The following HGF variants were observed in gnomAD, a reference collection of about 807,000 sequenced individuals.
HGF encodes the protein fibroblast-derived tumor cytotoxic factor.
HGF carries 39 observed loss-of-function variants against 111.6 expected under a neutral mutation model. The ratio of observed to expected loss-of-function variants is 0.35; its 90% CI spans 0.27 to 0.46. HGF has a LOEUF of 0.46. Ranked by LOEUF, HGF falls within the 20% of genes least tolerant of loss-of-function variation. HGF has a pLI of 1.00. For synonymous variants in HGF, 285 were observed against 294.8 expected, an observed-to-expected ratio of 0.97 and a Z score of 0.34; for missense variants, 735 against 910.5, an observed-to-expected ratio of 0.81 and a Z score of 2.48.
intron 5 of HGF, chr7:81,750,744 G>C (rs1301892097): frequency 5.9e-6 from 1 of 169,464 alleles, no homozygotes; most frequent in Non-Finnish European, 1.2e-5. Flanking sequence ...CACGTTTTCA[G>C]GTCAAACAAA....
At chr7:81,765,511 A>G (rs13438688) in intron 1 of HGF, among the ~76,000 whole-genome samples, 3,556 of 152,220 alleles carry the variant, frequency 0.023, 127 homozygotes, top group African/African-American at 0.081. Flanking sequence ...CAAAGCTATC[A>G]GGGGCAATCA....
chr7:81,702,308 T>C lies in HGF; in HGVS notation c.*273A>G. 2.7e-6 allele frequency: 1 copy of C among 366,448 alleles called. No homozygotes were observed. The highest frequency in any genetic ancestry group is 4.9e-5 in the South Asian group (1 of 20,462). The allele number at this position is 366,448 out of a possible 1,614,324, so 22.7% of individuals were successfully genotyped here. On this transcript the variant is annotated 3_prime_UTR_variant, in exon 18 of 18. Coordinates refer to ENST00000222390, the MANE Select transcript of HGF (RefSeq NM_000601.6). ...CATGAAATCTTTATCATCCAGCAAA[T>C]ATACCTGTGTGTTTTTTTAATCCAT... is the stretch of plus-strand genomic sequence containing the variant.
intron 4 of HGF, among the ~76,000 whole-genome samples, chr7:81,754,152 A>T (rs557220456): frequency 1.2e-3 from 189 of 152,136 alleles, no homozygotes; most frequent in African/African-American, 4.4e-3. Context: ...CCCCATATCT[A>T]TCACCTAAAT....
In HGF at chr7:81,729,503, G is replaced by A. The variant is rs576708787; in HGVS notation, c.1040+102C>T. ...TTAACTCCTGATTATCACTGGGCAC[G>A]CTGAAGTTTGATCACTAACACAAAA... On this transcript the variant is annotated intron_variant, in intron 8 of 17. Coordinates refer to ENST00000222390, the MANE Select transcript of HGF (RefSeq NM_000601.6). 51 of 847,568 alleles carry A rather than the reference G, an allele frequency of 6.0e-5. 1 individual carries two copies. Among genetic ancestry groups the A allele is most frequent in the South Asian group, 6.0e-4 (44 of 73,248 alleles). 52.5% of individuals were successfully genotyped at this position (847,568 alleles called of 1,614,324 possible).
At chr7:81,748,723 AAAACTCACAG>A (rs1212636698) in intron 5 of HGF, among the ~76,000 whole-genome samples, 1 of 151,992 alleles carries the variant, frequency 6.6e-6, no homozygotes, top group Admixed American at 6.6e-5. Flanking sequence ...ATAGATCACA[AAAACTCACAG>A]AGTAATGGTT....
At chr7:81,732,014 C>A (rs764874722) in intron 7 of HGF, among the ~76,000 whole-genome samples, 12 of 152,124 alleles carry the variant, frequency 7.9e-5, no homozygotes, top group South Asian at 4.1e-4. Flanking sequence ...AACTCTTTTA[C>A]TTTCCTACTT....
At chr7:81,730,563 T>G (rs5745682) in intron 7 of HGF, among the ~76,000 whole-genome samples, 1,543 of 152,284 alleles carry the variant, frequency 0.01, 33 homozygotes, top group African/African-American at 0.035. Flanking sequence ...GGAAGATCTA[T>G]CTCCTGCTTT....
intron 4 of HGF, among the ~76,000 whole-genome samples, chr7:81,752,542 G>T (rs1234591963): frequency 6.6e-6 from 1 of 152,074 alleles, no homozygotes; most frequent in African/African-American, 2.4e-5. Flanking sequence ...AATCGAAGTT[G>T]TCTGAAACAT....
intron 7 of HGF, among the ~76,000 whole-genome samples, chr7:81,740,114 C>T (rs892913912): frequency 6.6e-6 from 1 of 152,088 alleles, no homozygotes; most frequent in African/African-American, 2.4e-5. Flanking sequence ...TGGAAAGCAC[C>T]TCTTTGTGGG....
rs1788907276 is a variant in HGF, at chr7:81,758,697, T to C, written c.362A>G (p.Asn121Ser). Reference sequence around the variant, plus strand: ...TTTAGGGAGAAGTCAGTTACCTTTGTTTTCATAGAGGTCAAATTCATGGCC... The same window carrying C: ...TTTAGGGAGAAGTCAGTTACCTTTGCTTTCATAGAGGTCAAATTCATGGCC... ...EFGHEFDLYE[N>S]KDYIRNCIIG... The change falls in exon 3 of 18, where the codon AAC becomes AGC. Residue 121 changes from asparagine to serine, a missense_variant. Transcript: ENST00000222390. 1 of 1,582,770 alleles carries C rather than the reference T, an allele frequency of 6.3e-7. No homozygotes were observed. Among genetic ancestry groups the C allele is most frequent in the Non-Finnish European group, 8.7e-7 (1 of 1,152,128 alleles).
Position 81,762,841 on chromosome 7 carries a change from A to G in HGF, c.120T>C (p.His40=). 6.3e-7 allele frequency: 1 copy of G among 1,584,704 alleles called. No homozygotes were observed. Among genetic ancestry groups the G allele is most frequent in the South Asian group, 1.1e-5 (1 of 90,382 alleles). ...TAGTCTTTGCTGATTTTTTGAATTC[A>G]TGAATTGTATTTCTTCTTTTCCTTT... is the stretch of plus-strand genomic sequence containing the variant. The part of the protein sequence containing the change: ...EGQRKRRNTI[H]EFKKSAKTTL... Residue 40 remains histidine (H), a synonymous_variant, in exon 2 of 18, where the codon CAT becomes CAC. Transcript: ENST00000222390.
In HGF at chr7:81,699,135, C is replaced by T. The variant is rs1048837320; in HGVS notation, c.*3446G>A. On this transcript the variant is annotated 3_prime_UTR_variant, in exon 18 of 18. Coordinates refer to ENST00000222390, the MANE Select transcript of HGF (RefSeq NM_000601.6). Reference sequence around the variant, plus strand: ...GTGTTCCCTTTTTTGGGTAAGCATACAGCTATACCACTCAATAGGCAGCTT... The same window carrying T: ...GTGTTCCCTTTTTTGGGTAAGCATATAGCTATACCACTCAATAGGCAGCTT... The T allele has an allele frequency of 2.0e-5, 3 of 151,356 alleles. No individual in the cohort carries two copies. The highest frequency in any genetic ancestry group is 4.4e-5 in the Non-Finnish European group (3 of 67,580). The allele number at this position is 151,356 out of a possible 1,614,324, so 9.4% of individuals were successfully genotyped here. A position where few individuals can be genotyped will look rare whatever the true frequency, so the allele number is the denominator to read the frequency against.
intron 1 of HGF, among the ~76,000 whole-genome samples, chr7:81,764,935 T>A (rs1296727704): frequency 6.6e-6 from 1 of 152,044 alleles, no homozygotes; most frequent in Non-Finnish European, 1.5e-5. Flanking sequence ...TAAATTTGAA[T>A]GTTTCTTAGA....
intron 7 of HGF, among the ~76,000 whole-genome samples, chr7:81,736,894 GGTGTGTGTGT>G (rs368271908): frequency 1.8e-4 from 26 of 141,964 alleles, no homozygotes; most frequent in African/African-American, 5.8e-4. Context: ...TGTGTAGAGG[GGTGTGTGTGT>G]GTGTGTGTGT....
intron 4 of HGF, 157 bp downstream of exon 4, chr7:81,757,032 A>G: frequency 1.6e-6 from 1 of 635,666 alleles, no homozygotes; most frequent in East Asian, 2.7e-5. Context: ...CATTTGCTAA[A>G]TATCAGTCAT....
chr7:81,704,960 A>C (rs1295550367), intron 17 of HGF, among the ~76,000 whole-genome samples: 1 of 151,868 alleles, frequency 6.6e-6, no homozygotes, highest in East Asian at 1.9e-4. Flanking sequence ...AAGAGGGAAC[A>C]GCTTACCCAA....
intron 5 of HGF, among the ~76,000 whole-genome samples, chr7:81,747,846 T>C (rs1187516990): frequency 6.6e-6 from 1 of 151,876 alleles, no homozygotes; most frequent in East Asian, 1.9e-4. Flanking sequence ...GGCAGGAGAA[T>C]TGCTTGAACC....
At chr7:81,726,299 G>C (rs1209127676) in intron 8 of HGF, among the ~76,000 whole-genome samples, 1 of 152,144 alleles carries the variant, frequency 6.6e-6, no homozygotes, top group Admixed American at 6.5e-5. Context: ...CGGTACCGCT[G>C]CATTCTTCTC....
intron 9 of HGF, among the ~76,000 whole-genome samples, chr7:81,722,844 G>GGT (rs1789904222): frequency 7.9e-6 from 1 of 126,314 alleles, no homozygotes; most frequent in Non-Finnish European, 1.5e-5. Flanking sequence ...AATTTAAAAA[G>GGT]GTATATATAT....
Sources: gnomAD v4.1 joint callset for allele counts (sites outside exome capture counted in the v4.1 genomes callset) on GRCh38, gnomAD v4.1.1 for gene constraint, MANE v1.5 for transcripts, NCBI Gene and HGNC (gene_info 2026-07-23, HGNC 2026-07-21) for gene names.